Variants in RAP1GAP2 observed in about 807,000 individuals in gnomAD.
RAP1GAP2 encodes the protein RAP1 GTPase activating protein 2.
Under a neutral mutation model 95.0 loss-of-function variants are expected in RAP1GAP2, and 27 were observed. That is an observed-to-expected ratio of 0.28 (90% CI 0.21 to 0.39). The LOEUF (loss-of-function observed/expected upper bound fraction) is 0.39, where lower values mean the gene tolerates loss of function less well. RAP1GAP2 is among the 10% of genes least tolerant of loss of function. The pLI, the probability that RAP1GAP2 is intolerant of heterozygous loss-of-function variation, is 1.00. For synonymous variants in RAP1GAP2, 373 were observed against 380.9 expected (o/e 0.98, Z 0.24); for missense variants, 771 against 970.0 (o/e 0.79, Z 2.72).
At chr17:2,964,326 A>C in intron 7 of RAP1GAP2, 1 of 32,492 alleles carries the variant, frequency 3.1e-5, no homozygotes, top group Non-Finnish European at 5.5e-5. Flanking sequence ...GGCTTGGGGG[A>C]CAGAGGAGCT....
intron 14 of RAP1GAP2, among the ~76,000 whole-genome samples, chr17:3,002,108 A>G (rs975895507): frequency 2.0e-5 from 3 of 151,874 alleles, no homozygotes; most frequent in Admixed American, 2.0e-4. Flanking sequence ...GATTACAGGC[A>G]CCCACCACCA....
intron 17 of RAP1GAP2, among the ~76,000 whole-genome samples, chr17:3,015,385 G>A (rs1447457347): frequency 1.3e-5 from 2 of 152,136 alleles, no homozygotes; most frequent in Admixed American, 6.5e-5. Context: ...TAGAAAAGCA[G>A]GCAGGATGGG....
At chr17:2,766,117 T>C (rs1216357355) in intron 1 of RAP1GAP2, among the ~76,000 whole-genome samples, 1 of 152,112 alleles carries the variant, frequency 6.6e-6, no homozygotes, top group South Asian at 2.1e-4. Flanking sequence ...TGGGCGGCCA[T>C]GGGGGCGGTG....
chr17:2,787,777 C>T (rs1218681780), intron 1 of RAP1GAP2, among the ~76,000 whole-genome samples: 1 of 151,966 alleles, frequency 6.6e-6, no homozygotes, highest in African/African-American at 2.4e-5. Context: ...CCATGTTGGC[C>T]AGGATGGTTT....
At chr17:2,986,281 A>G (rs1204624479) in intron 11 of RAP1GAP2, among the ~76,000 whole-genome samples, 1 of 152,186 alleles carries the variant, frequency 6.6e-6, no homozygotes, top group African/African-American at 2.4e-5. Flanking sequence ...TGAATCTTAT[A>G]AGTTAAGGGA....
At chr17:2,859,993 G>A (rs115391021) in intron 2 of RAP1GAP2, among the ~76,000 whole-genome samples, 53 of 151,376 alleles carry the variant, frequency 3.5e-4, no homozygotes, top group African/African-American at 1.0e-3. Flanking sequence ...TTTTTGCGAC[G>A]TTAGTCATTG....
In RAP1GAP2 at chr17:2,967,600, G is replaced by A. The variant is rs557207279; in HGVS notation, c.596+1957G>A. Among the ~76,000 whole-genome samples the A allele has an allele frequency of 2.2e-3, 333 of 152,222 alleles. 2 individuals carry two copies. Among genetic ancestry groups the A allele is most frequent in the African/African-American group, 7.7e-3 (318 of 41,548 alleles). ...AAGCTCAAATGTGGCTCTCCCAGAT[G>A]GAAAGCTAGTAGGTAGGGTGGTGAC... On this transcript the variant is annotated intron_variant, in intron 8 of 24. Coordinates refer to ENST00000254695, the MANE Select transcript of RAP1GAP2 (RefSeq NM_015085.5).
chr17:2,949,483 G>A (rs527971121), intron 3 of RAP1GAP2, among the ~76,000 whole-genome samples: 24 of 152,082 alleles, frequency 1.6e-4, no homozygotes, highest in African/African-American at 5.5e-4. Context: ...AGTGCCTGTT[G>A]TGTGCCCTGA....
chr17:2,884,682 T>C (rs1235747824), intron 2 of RAP1GAP2, among the ~76,000 whole-genome samples: 1 of 152,110 alleles, frequency 6.6e-6, no homozygotes, highest in Admixed American at 6.6e-5. Flanking sequence ...CCTAGCGTTC[T>C]TGAATTTGAA....
chr17:2,824,016 G>T (rs1338097056), intron 2 of RAP1GAP2, among the ~76,000 whole-genome samples: 1 of 151,606 alleles, frequency 6.6e-6, no homozygotes, highest in East Asian at 1.9e-4. Flanking sequence ...CCAGCTACTC[G>T]GGAGGCTGAG....
intron 11 of RAP1GAP2, among the ~76,000 whole-genome samples, chr17:2,990,582 G>A (rs1277709659): frequency 6.6e-6 from 1 of 152,106 alleles, no homozygotes; most frequent in Non-Finnish European, 1.5e-5. Flanking sequence ...TTAGCTTTCG[G>A]GACCTGCCTG....
chr17:2,786,806 C>T (rs1192340290), intron 1 of RAP1GAP2, among the ~76,000 whole-genome samples: 9 of 151,694 alleles, frequency 5.9e-5, no homozygotes, highest in Non-Finnish European at 8.8e-5. Flanking sequence ...CCACCATGCC[C>T]GGCTAATTTT....
At chr17:2,783,112 C>T (rs941976159) in intron 1 of RAP1GAP2, among the ~76,000 whole-genome samples, 1 of 152,168 alleles carries the variant, frequency 6.6e-6, no homozygotes, top group Admixed American at 6.5e-5. Flanking sequence ...CAAGGTCACA[C>T]AGCTAGTAAG....
intron 11 of RAP1GAP2, among the ~76,000 whole-genome samples, chr17:2,985,283 T>G (rs1341481449): frequency 3.9e-5 from 6 of 152,096 alleles, no homozygotes; most frequent in African/African-American, 1.4e-4. Flanking sequence ...AGTGATGTTT[T>G]TTTTTTTTTA....
At chr17:2,952,197 T>C (rs2043948276) in intron 3 of RAP1GAP2, among the ~76,000 whole-genome samples, 1 of 152,220 alleles carries the variant, frequency 6.6e-6, no homozygotes, top group South Asian at 2.1e-4. Context: ...AACACATTCT[T>C]TATGTTTCAT....
intron 2 of RAP1GAP2, among the ~76,000 whole-genome samples, chr17:2,833,689 CAA>C (rs112909808): frequency 1.3e-4 from 7 of 53,688 alleles, no homozygotes; most frequent in Non-Finnish European, 1.2e-4. Context: ...GACTCCGTCT[CAA>C]AAAAAAAAAA....
rs552754072 is a variant in RAP1GAP2 at position 2,939,290 on chromosome 17, A to C, written c.166-18469A>C. Among the ~76,000 whole-genome samples the C allele has an allele frequency of 5.9e-5, 9 of 152,262 alleles. No homozygotes were observed. The South Asian group carries it at 1.9e-3, about 32-fold the overall frequency. On this transcript the variant is annotated intron_variant, in intron 3 of 24. Coordinates refer to ENST00000254695, the MANE Select transcript of RAP1GAP2 (RefSeq NM_015085.5). ...TTTTTAGTAGAGACGGGCTTTCGCCATGTTGGCCAGGCTGGTCTCGAACTC... is the reference window on the plus strand; with the variant it reads ...TTTTTAGTAGAGACGGGCTTTCGCCCTGTTGGCCAGGCTGGTCTCGAACTC...
At chr17:2,931,314 T>G (rs2043146914) in intron 3 of RAP1GAP2, among the ~76,000 whole-genome samples, 1 of 109,374 alleles carries the variant, frequency 9.1e-6, no homozygotes, top group African/African-American at 4.7e-5. Flanking sequence ...GTGTGTGTGT[T>G]GGGTGAACGT....
In RAP1GAP2 at chr17:2,844,938, C is replaced by T. The variant is rs185573802; in HGVS notation, c.80+44388C>T. On this transcript the variant is annotated intron_variant, in intron 2 of 24. Transcript: ENST00000254695. ...CCAACCTATAAGTTTTCTAGTTAGT[C>T]AGGCGTGTGAGCTGGCAACCAACCC... is the stretch of plus-strand genomic sequence containing the variant. Among the ~76,000 whole-genome samples, 251 of 152,264 alleles carry T rather than the reference C, an allele frequency of 1.6e-3. 1 individual carries two copies. Among genetic ancestry groups the T allele is most frequent in the African/African-American group, 5.6e-3 (234 of 41,550 alleles).
Sources: gnomAD v4.1 joint callset for allele counts (sites outside exome capture counted in the v4.1 genomes callset) on GRCh38, gnomAD v4.1.1 for gene constraint, MANE v1.5 for transcripts, NCBI Gene and HGNC (gene_info 2026-07-23, HGNC 2026-07-21) for gene names.